TXNDC11: variants seen among roughly 807,000 people sequenced by gnomAD.
The protein encoded by TXNDC11 is thioredoxin domain containing 11.
TXNDC11 carries 68 observed loss-of-function variants against 78.0 expected under a neutral mutation model. The ratio of observed to expected loss-of-function variants is 0.87; its 90% CI spans 0.72 to 1.07. The LOEUF (loss-of-function observed/expected upper bound fraction) is 1.07. Among genes scored for constraint, TXNDC11 ranks in the 50% least tolerant of loss-of-function variants. TXNDC11 has a pLI of 0.00. For synonymous variants in TXNDC11, 571 were observed against 495.2 expected, an observed-to-expected ratio of 1.15 and a Z score of -2.03; for missense variants, 1,389 against 1,221.8, an observed-to-expected ratio of 1.14 and a Z score of -2.04.
At chr16:11,719,789 C>T (rs182819570) in intron 5 of TXNDC11, among the ~76,000 whole-genome samples, 39 of 152,214 alleles carry the variant, frequency 2.6e-4, no homozygotes, top group Admixed American at 7.8e-4. Context: ...TAACCACATA[C>T]ATAAATGCAA....
intron 5 of TXNDC11, among the ~76,000 whole-genome samples, chr16:11,713,965 G>A (rs1001939725): frequency 2.0e-5 from 3 of 151,982 alleles, no homozygotes; most frequent in African/African-American, 7.2e-5. Context: ...CAATCTCCAA[G>A]CCATCCTTGC....
chr16:11,684,447 T>TA (rs755724663), intron 10 of TXNDC11, among the ~76,000 whole-genome samples: 167 of 152,182 alleles, frequency 1.1e-3, no homozygotes, highest in Non-Finnish European at 1.1e-3. Flanking sequence ...GTGGACGCTT[T>TA]CCACTGAGTG....
chr16:11,680,459 G>C (rs1386379999), intron 11 of TXNDC11, among the ~76,000 whole-genome samples: 3 of 152,204 alleles, frequency 2.0e-5, no homozygotes, highest in Non-Finnish European at 2.9e-5. Context: ...AGGCTGCCCA[G>C]CCCTGAGAGC....
At chr16:11,739,795 C>T (rs973542831) in intron 1 of TXNDC11, among the ~76,000 whole-genome samples, 7 of 152,040 alleles carry the variant, frequency 4.6e-5, no homozygotes, top group Non-Finnish European at 1.0e-4. Flanking sequence ...AACCTCAAAT[C>T]AACCTTTTCC....
intron 10 of TXNDC11, among the ~76,000 whole-genome samples, chr16:11,686,827 G>A (rs955614245): frequency 2.0e-5 from 3 of 152,212 alleles, no homozygotes; most frequent in Non-Finnish European, 4.4e-5. Flanking sequence ...GAGTATGAAT[G>A]CCTGATTTAA....
At chr16:11,706,348 C>A (rs1378567935) in intron 5 of TXNDC11, among the ~76,000 whole-genome samples, 3 of 152,246 alleles carry the variant, frequency 2.0e-5, no homozygotes, top group Admixed American at 6.5e-5. Flanking sequence ...AGGGAGGGTG[C>A]TCCTTGGCTG....
At chr16:11,734,647 A>C (rs1044740040) in intron 2 of TXNDC11, among the ~76,000 whole-genome samples, 2 of 152,240 alleles carry the variant, frequency 1.3e-5, no homozygotes, top group African/African-American at 4.8e-5. Context: ...TTAGGCTGAC[A>C]GTAAGGTAGC....
chr16:11,679,828 T>G lies in TXNDC11; in HGVS notation c.2244A>C (p.Leu748=). ...VLFFPCNRKD[L]SVKYPEDVPI... Reference sequence around the variant, plus strand: ...GGACGTCTTCGGGGTATTTCACACTTAGGTCCTTTCTGGAGAGAGAGGGAA... The same window carrying G: ...GGACGTCTTCGGGGTATTTCACACTGAGGTCCTTTCTGGAGAGAGAGGGAA... Residue 748 remains leucine (L), a synonymous_variant, in exon 12 of 12, where the codon CTA becomes CTC. Transcript: ENST00000283033. This position sits in a 1 kb window ranked among gnomAD's most constrained non-coding sequence, Gnocchi z 4.6. 1 of 1,610,462 alleles carries G rather than the reference T, an allele frequency of 6.2e-7. No homozygotes were observed. Among genetic ancestry groups the G allele is most frequent in the Middle Eastern group, 1.7e-4 (1 of 5,884 alleles).
intron 7 of TXNDC11, among the ~76,000 whole-genome samples, chr16:11,697,443 G>C (rs1370794811): frequency 2.0e-5 from 3 of 152,148 alleles, no homozygotes; most frequent in Non-Finnish European, 4.4e-5. Context: ...TCTGCATACT[G>C]TGCCTGCTGT....
chr16:11,704,451 A>C (rs2051120796), intron 5 of TXNDC11, among the ~76,000 whole-genome samples: 2 of 152,196 alleles, frequency 1.3e-5, no homozygotes, highest in Non-Finnish European at 2.9e-5. Context: ...TCTTCCCCCA[A>C]GGTATTTATT....
rs142300268 is a variant in TXNDC11, at chr16:11,730,710, C to G, written c.634G>C (p.Val212Leu). ...GGGATGTAGAGAAGTGGTTTCATCA[C>G]CCGGCGGACAAACTTCTCAATGTAA... ...AVYIEKFVRRVMKPLLYIPSQ... is the reference protein window; with the variant it reads ...AVYIEKFVRRLMKPLLYIPSQ... Residue 212 changes from valine to leucine, a missense_variant, in exon 4 of 12, where the codon GTG becomes CTG. Transcript: ENST00000283033. 16 of 1,613,576 alleles carry G rather than the reference C, an allele frequency of 9.9e-6. No individual in the cohort carries two copies. The highest frequency in any genetic ancestry group is 3.3e-5 in the Admixed American group (2 of 59,978).
intron 5 of TXNDC11, among the ~76,000 whole-genome samples, chr16:11,701,377 T>A (rs1040346243): frequency 1.3e-5 from 2 of 152,046 alleles, no homozygotes; most frequent in East Asian, 3.9e-4. Context: ...CCTCAAGTGA[T>A]GTGCCTGCCT....
At chr16:11,682,306 A>G (rs2050443161) in intron 11 of TXNDC11, among the ~76,000 whole-genome samples, 1 of 152,260 alleles carries the variant, frequency 6.6e-6, no homozygotes, top group Admixed American at 6.5e-5. Context: ...CCAAAGCCAT[A>G]AAGCTTTGGT....
At chr16:11,684,938 A>G (rs1296013663) in intron 10 of TXNDC11, among the ~76,000 whole-genome samples, 1 of 152,264 alleles carries the variant, frequency 6.6e-6, no homozygotes, top group African/African-American at 2.4e-5. Flanking sequence ...ATTCATAAAC[A>G]GTGCACACAA....
rs1272711438 is a variant in TXNDC11 at position 11,742,599 on chromosome 16, C to T, written c.132G>A (p.Ser44=). 2.7e-6 allele frequency: 4 copies of T among 1,458,902 alleles called. No individual in the cohort carries two copies. Among genetic ancestry groups the T allele is most frequent in the East Asian group, 3.0e-5 (1 of 33,206 alleles). 90.4% of individuals were successfully genotyped at this position (1,458,902 alleles called of 1,614,324 possible). A position where few individuals can be genotyped will look rare whatever the true frequency, so the allele number is the denominator to read the frequency against. ...SSSPTLATAS[S]AGRLRRGLRG... is the part of the protein sequence containing the mutation. ...GCAGCCCGCGACGGAGCCGGCCCGCCGAGGACGCTGTGGCCAGGGTCGGGC... is the reference window on the plus strand; with the variant it reads ...GCAGCCCGCGACGGAGCCGGCCCGCTGAGGACGCTGTGGCCAGGGTCGGGC... The change falls in exon 1 of 12, where the codon TCG becomes TCA. Residue 44 remains serine (S), a synonymous_variant. Transcript: ENST00000283033.
intron 6 of TXNDC11, among the ~76,000 whole-genome samples, 193 bp downstream of exon 6, chr16:11,700,259 C>T (rs373829172): frequency 6.6e-6 from 1 of 152,122 alleles, no homozygotes; most frequent in East Asian, 1.9e-4. Flanking sequence ...TTCAAGAGCC[C>T]TCTAATGCAT....
At position 11,679,131 on chromosome 16, in the gene TXNDC11, A is replaced by G. The variant is rs2050337740; in HGVS notation, c.*64T>C. On this transcript the variant is annotated 3_prime_UTR_variant, in exon 12 of 12. Transcript: ENST00000283033. This position sits in a 1 kb window ranked among gnomAD's most constrained non-coding sequence, Gnocchi z 4.6. ...TTTATTTACAATAAATTTCAATAAA[A>G]TTTGCATAAATATATTCCCAATGTA... The G allele has an allele frequency of 6.6e-7, 1 of 1,509,346 alleles. No homozygotes were observed. 93.5% of individuals were successfully genotyped at this position (1,509,346 alleles called of 1,614,324 possible).
At chr16:11,709,466 G>A (rs1242349424) in intron 5 of TXNDC11, among the ~76,000 whole-genome samples, 6 of 112,786 alleles carry the variant, frequency 5.3e-5, no homozygotes, top group African/African-American at 1.4e-4. Flanking sequence ...ACGGAGTCTC[G>A]CTCTGTTGCC....
Position 11,697,673 on chromosome 16 carries a change from C to T in TXNDC11, c.1107+452G>A, listed in dbSNP as rs534465927. On this transcript the variant is annotated intron_variant, in intron 7 of 11. Coordinates refer to ENST00000283033, the MANE Select transcript of TXNDC11 (RefSeq NM_015914.7). ...GTGTCCCAACATCGCTGCTGCTGCT[C>T]GCTCTCCTCTGCTGTCCTGAGGATG... Among the ~76,000 whole-genome samples, 12 of 152,324 alleles carry T rather than the reference C, an allele frequency of 7.9e-5. No homozygotes were observed. The East Asian group carries it at 2.1e-3, about 27-fold the overall frequency.
Sources: gnomAD v4.1 joint callset for allele counts (sites outside exome capture counted in the v4.1 genomes callset) on GRCh38, gnomAD v4.1.1 for gene constraint, Gnocchi (gnomAD v3.1) non-coding constraint, MANE v1.5 for transcripts, NCBI Gene and HGNC (gene_info 2026-07-23, HGNC 2026-07-21) for gene names.